Variants in ATP7B observed in about 807,000 individuals in gnomAD.
ATP7B encodes ATPase copper transporting beta, also known as copper-transporting ATPase 2.
ATP7B carries 113 observed loss-of-function variants against 118.9 expected under a neutral mutation model. That is an observed-to-expected ratio of 0.95 (90% confidence interval 0.82 to 1.11). The LOEUF is 1.11. ATP7B is among the 50% of genes most tolerant of loss of function. The pLI, the probability that ATP7B is intolerant of heterozygous loss-of-function variation, is 0.00. For synonymous variants in ATP7B, 777 were observed against 727.4 expected (o/e 1.07, Z -1.10); for missense variants, 1,867 against 1,871.4 (o/e 1.00, Z 0.04).
Position 51,990,964 on chromosome 13 carries a change from T to C in ATP7B, c.52-15796A>G, listed in dbSNP as rs572720955. On this transcript the variant is annotated intron_variant, in intron 1 of 20. Coordinates refer to ENST00000242839, the MANE Select transcript of ATP7B (RefSeq NM_000053.4). Reference sequence around the variant, plus strand: ...TTAGTTGGGCGTGGTGGCATGCACCTGTAGTCCCAGATATTCAGGAGCCTG... The same window carrying C: ...TTAGTTGGGCGTGGTGGCATGCACCCGTAGTCCCAGATATTCAGGAGCCTG... Among the ~76,000 whole-genome samples, 30 of 152,292 alleles carry C rather than the reference T, an allele frequency of 2.0e-4. 1 individual carries two copies. The highest frequency in any genetic ancestry group is 2.8e-4 in the Non-Finnish European group (19 of 68,028).
intron 1 of ATP7B, among the ~76,000 whole-genome samples, chr13:51,999,832 C>T (rs901127161): frequency 5.3e-5 from 8 of 152,172 alleles, no homozygotes; most frequent in Admixed American, 3.9e-4. Flanking sequence ...GTCCGCTCAC[C>T]CTTCGCTCTC....
intron 1 of ATP7B, among the ~76,000 whole-genome samples, chr13:51,987,119 A>T (rs1347754076): frequency 6.6e-6 from 1 of 152,230 alleles, no homozygotes; most frequent in African/African-American, 2.4e-5. Flanking sequence ...GGAAGAGAGG[A>T]AGTCAAATTG....
chr13:51,946,156 T>G, intron 13 of ATP7B, 128 bp downstream of exon 13: 1 of 1,285,998 alleles, frequency 7.8e-7, no homozygotes, highest in South Asian at 1.4e-5. Flanking sequence ...CCAGTTATAC[T>G]TGACTTCCTA....
chr13:51,951,504 G>A (rs1958004666), intron 9 of ATP7B, among the ~76,000 whole-genome samples: 1 of 152,162 alleles, frequency 6.6e-6, no homozygotes, highest in Admixed American at 6.5e-5. Context: ...AGAGGTCAGA[G>A]GTAGAGAACA....
chr13:51,946,139 G>A lies in ATP7B; in HGVS notation c.3060+145C>T, dbSNP rs556516713. ...TGGTGGCTACTCTGTTGCTACTGTT[G>A]TTATTCCCAGTTATACTTGACTTCC... On this transcript the variant is annotated intron_variant, in intron 13 of 20. Transcript: ENST00000242839. 16 of 1,127,184 alleles carry A rather than the reference G, an allele frequency of 1.4e-5. No individual in the cohort carries two copies. In the African/African-American group the frequency reaches 2.0e-4, roughly 14 times the overall value. 69.8% of individuals were successfully genotyped at this position (1,127,184 alleles called of 1,614,324 possible). A position where few individuals can be genotyped will look rare whatever the true frequency, so the allele number is the denominator to read the frequency against.
At chr13:51,950,475 A>G (rs1417509238) in intron 9 of ATP7B, 76 bp from the exon 10 acceptor site, 2 of 1,592,322 alleles carry the variant, frequency 1.3e-6, no homozygotes, top group African/African-American at 1.3e-5. Context: ...AGCTGTTACA[A>G]TAGTTACACT....
intron 19 of ATP7B, 25 bp downstream of exon 19, chr13:51,937,251 A>G: frequency 6.2e-7 from 1 of 1,602,714 alleles, no homozygotes; most frequent in Non-Finnish European, 8.5e-7. Context: ...GCGCAGCTGG[A>G]GCACAGTGGG....
In ATP7B at chr13:51,942,094, T is replaced by C. The variant is rs3783240; in HGVS notation, c.3412+292A>G. 0.7 allele frequency among the ~76,000 whole-genome samples: 106,137 copies of C among 152,100 alleles called. 37,336 individuals carry two copies. Among genetic ancestry groups the C allele is most frequent in the Middle Eastern group, 0.73 (215 of 294 alleles). ...AGAACGAAAGTGGAATTCCCGTCTG[T>C]CTACTCTGTAGCTTATGAGAAGCAA... On this transcript the variant is annotated intron_variant, in intron 15 of 20. Coordinates refer to ENST00000242839, the MANE Select transcript of ATP7B (RefSeq NM_000053.4).
intron 1 of ATP7B, among the ~76,000 whole-genome samples, chr13:51,985,386 A>T (rs1352862357): frequency 6.6e-6 from 1 of 152,240 alleles, no homozygotes; most frequent in Non-Finnish European, 1.5e-5. Context: ...ATATATATGC[A>T]CCCAATACAG....
chr13:51,965,082 C>A (rs771580801), intron 4 of ATP7B, 49 bp from the exon 5 acceptor site: 1 of 1,610,304 alleles, frequency 6.2e-7, no homozygotes, highest in Non-Finnish European at 8.5e-7. Flanking sequence ...TCAAGGAAAG[C>A]CTGTGAAAGC....
intron 1 of ATP7B, among the ~76,000 whole-genome samples, chr13:52,003,567 T>C: frequency 6.6e-6 from 1 of 152,014 alleles, no homozygotes; most frequent in Non-Finnish European, 1.5e-5. Flanking sequence ...GTATATGCTG[T>C]TACACAAATG....
intron 1 of ATP7B, among the ~76,000 whole-genome samples, chr13:51,985,272 T>C (rs144608047): frequency 0.017 from 2,575 of 152,252 alleles, 25 homozygotes; most frequent in Non-Finnish European, 0.028. Context: ...GGAATCCTAG[T>C]CTCTGATAAA....
At chr13:51,966,406 C>T (rs757929387) in intron 4 of ATP7B, among the ~76,000 whole-genome samples, 5 of 152,160 alleles carry the variant, frequency 3.3e-5, no homozygotes, top group Non-Finnish European at 7.3e-5. Context: ...GCGACAGGGC[C>T]AAAACTCAAA....
At chr13:51,977,975 G>A (rs997928917) in intron 1 of ATP7B, among the ~76,000 whole-genome samples, 11 of 152,280 alleles carry the variant, frequency 7.2e-5, no homozygotes, top group Non-Finnish European at 1.2e-4. Flanking sequence ...AAACGTCTAC[G>A]TCAAAAGACA....
rs1162970585 is a variant in ATP7B, at chr13:52,000,276, C to T, written c.51+11011G>A. On this transcript the variant is annotated intron_variant, in intron 1 of 20. Transcript: ENST00000242839. ...TCAAGGAGCCAGCAGATTCAGTATC[C>T]GGTGAAGGCTGTTCTTTGCTTCACA... 6.6e-5 allele frequency among the ~76,000 whole-genome samples: 10 copies of T among 152,192 alleles called. No homozygotes were observed. In the East Asian group the frequency reaches 1.5e-3, roughly 23 times the overall value.
rs1957904690 is a variant in ATP7B at position 51,950,141 on chromosome 13, T to C, written c.2596A>G (p.Lys866Glu). 1.2e-6 allele frequency: 2 copies of C among 1,614,224 alleles called. No individual in the cohort carries two copies. Among genetic ancestry groups the C allele is most frequent in the Non-Finnish European group, 1.7e-6 (2 of 1,180,036 alleles). ...GCAATTACAGTGCTTCCGGGTTTCT[T>C]AGTGACTGGCATGGCTTCTCCTAGA... ...LITGEAMPVTKKPGSTVIAGS... is the reference protein window; with the variant it reads ...LITGEAMPVTEKPGSTVIAGS... The change falls in exon 11 of 21, where the codon AAG becomes GAG. Residue 866 changes from lysine to glutamate, a missense_variant. By Grantham distance (56) the Lys-to-Glu change is moderately conservative. Coordinates refer to ENST00000242839, the MANE Select transcript of ATP7B (RefSeq NM_000053.4).
intron 1 of ATP7B, among the ~76,000 whole-genome samples, chr13:51,985,271 G>T (rs1422980412): frequency 1.3e-5 from 2 of 152,142 alleles, no homozygotes; most frequent in Non-Finnish European, 2.9e-5. Context: ...TGGAATCCTA[G>T]TCTCTGATAA....
At chr13:51,937,219 T>C in intron 19 of ATP7B, 57 bp downstream of exon 19, 1 of 1,545,840 alleles carries the variant, frequency 6.5e-7, no homozygotes, top group Admixed American at 1.7e-5. Flanking sequence ...AGCAGGAACC[T>C]GGGAGACAGA....
chr13:51,968,358 G>A (rs1039451913), intron 4 of ATP7B, 86 bp downstream of exon 4: 5 of 1,591,160 alleles, frequency 3.1e-6, no homozygotes, highest in Non-Finnish European at 4.3e-6. Flanking sequence ...TCCAAGATGG[G>A]GAAATTTACT....
Sources: gnomAD v4.1 joint callset for allele counts (sites outside exome capture counted in the v4.1 genomes callset) on GRCh38, gnomAD v4.1.1 for gene constraint, MANE v1.5 for transcripts, NCBI Gene and HGNC (gene_info 2026-07-23, HGNC 2026-07-21) for gene names.